The following CDH17 variants were observed in gnomAD, a reference collection of about 807,000 sequenced individuals.
CDH17 encodes the protein cadherin 17, also known as cadherin-17.
In CDH17, 67 loss-of-function variants were observed where a neutral mutation model predicts 86.3. That is an observed-to-expected ratio of 0.78 (90% CI 0.64 to 0.95). CDH17 has a LOEUF of 0.95. CDH17 is among the 40% of genes least tolerant of loss of function. The probability of loss-of-function intolerance (pLI) is 0.00; values close to 1 mark genes in which losing one functional copy is unlikely to be tolerated. For missense variants in CDH17, 993 were observed against 1,017.6 expected, an observed-to-expected ratio of 0.98 and a Z score of 0.33; for synonymous variants, 367 against 366.4, an observed-to-expected ratio of 1.00 and a Z score of -0.02.
chr8:94,204,336 T>C (rs768827214), intron 1 of CDH17, among the ~76,000 whole-genome samples: 4 of 152,096 alleles, frequency 2.6e-5, no homozygotes, highest in Non-Finnish European at 5.9e-5. Flanking sequence ...CGATGTGTGA[T>C]GTTCCCCTGT....
intron 3 of CDH17, among the ~76,000 whole-genome samples, chr8:94,179,400 A>G (rs1173724324): frequency 2.6e-5 from 4 of 152,276 alleles, no homozygotes; most frequent in African/African-American, 9.6e-5. Context: ...GCAAAGAAGC[A>G]GCTGACCAAA....
chr8:94,134,122 T>G (rs1471351367), intron 15 of CDH17, among the ~76,000 whole-genome samples: 1 of 152,210 alleles, frequency 6.6e-6, no homozygotes, highest in East Asian at 1.9e-4. Flanking sequence ...TTCTCTGTTT[T>G]TGTTGTGTCT....
chr8:94,174,328 C>T, intron 5 of CDH17, 68 bp from the exon 6 acceptor site: 3 of 1,461,754 alleles, frequency 2.1e-6, no homozygotes, highest in Non-Finnish European at 2.8e-6. Flanking sequence ...CCAACCATAG[C>T]TACTTTTTCC....
intron 14 of CDH17, among the ~76,000 whole-genome samples, chr8:94,147,574 T>C (rs1237656119): frequency 6.6e-6 from 1 of 152,180 alleles, no homozygotes; most frequent in Non-Finnish European, 1.5e-5. Flanking sequence ...GCCAGATACA[T>C]TTACTAGCTA....
At chr8:94,216,247 C>T (rs1389721432) in intron 1 of CDH17, among the ~76,000 whole-genome samples, 6 of 152,170 alleles carry the variant, frequency 3.9e-5, no homozygotes, top group Admixed American at 3.9e-4. Flanking sequence ...CTAGAATTTT[C>T]CAATAGCTAC....
chr8:94,145,898 GT>G (rs767808168), intron 15 of CDH17, 29 bp downstream of exon 15: 5 of 1,599,296 alleles, frequency 3.1e-6, no homozygotes, highest in Admixed American at 1.7e-5. Context: ...ATCCATCTAT[GT>G]TTTTTTCCAT....
intron 15 of CDH17, among the ~76,000 whole-genome samples, chr8:94,133,119 CT>C (rs1325322561): frequency 1.3e-5 from 2 of 152,118 alleles, no homozygotes; most frequent in African/African-American, 4.8e-5. Flanking sequence ...CAGCATTGTT[CT>C]TTTTGCTTAG....
chr8:94,153,975 T>C (rs1812903236), intron 12 of CDH17, among the ~76,000 whole-genome samples: 1 of 152,228 alleles, frequency 6.6e-6, no homozygotes, highest in African/African-American at 2.4e-5. Context: ...TACAACGTGG[T>C]ACTATAGTTA....
intron 14 of CDH17, among the ~76,000 whole-genome samples, chr8:94,148,158 G>A (rs71532304): frequency 3.5e-4 from 53 of 152,300 alleles, no homozygotes; most frequent in Middle Eastern, 6.8e-3. Flanking sequence ...CAGGGACACA[G>A]AACTCTCTAG....
chr8:94,151,814 C>T, intron 13 of CDH17, 54 bp downstream of exon 13: 1 of 1,608,420 alleles, frequency 6.2e-7, no homozygotes, highest in Non-Finnish European at 8.5e-7. Flanking sequence ...CTCCTCCTCC[C>T]CATTGGCTTT....
At chr8:94,213,899 T>C (rs910523529) in intron 1 of CDH17, among the ~76,000 whole-genome samples, 1 of 152,200 alleles carries the variant, frequency 6.6e-6, no homozygotes, top group Non-Finnish European at 1.5e-5. Context: ...GCAGTCCTAC[T>C]TGTGACTCAT....
chr8:94,151,931 T>G lies in CDH17; in HGVS notation c.1733A>C (p.Asp578Ala), dbSNP rs968857433. ...QHVFQAKVSE[D>A]VAIGTKVGNV... Reference sequence around the variant, plus strand: ...GCCCACTTTAGTGCCTATAGCTACATCCTCACTGACTTTCGCTTGGAATAC... The same window carrying G: ...GCCCACTTTAGTGCCTATAGCTACAGCCTCACTGACTTTCGCTTGGAATAC... The change falls in exon 13 of 18, where the codon GAT becomes GCT. Residue 578 changes from aspartate (D) to alanine (A), a missense_variant. Transcript: ENST00000027335. 45 of 1,614,062 alleles carry G rather than the reference T, an allele frequency of 2.8e-5. No homozygotes were observed. Among genetic ancestry groups the G allele is most frequent in the Non-Finnish European group, 3.6e-5 (43 of 1,180,028 alleles).
chr8:94,204,963 G>A lies in CDH17; in HGVS notation c.-21+3520C>T, dbSNP rs558617939. Among the ~76,000 whole-genome samples, 3 of 152,140 alleles carry A rather than the reference G, an allele frequency of 2.0e-5. No homozygotes were observed. The South Asian group carries it at 6.2e-4, about 32-fold the overall frequency. The stretch of plus-strand genomic sequence containing the variant: ...GATGTTGTAACCCATTTATACCTGA[G>A]GTTGCAATTTTTTGAATTTTTGCAA... On this transcript the variant is annotated intron_variant, in intron 1 of 17. Transcript: ENST00000027335.
At chr8:94,213,900 T>A (rs1295691877) in intron 1 of CDH17, among the ~76,000 whole-genome samples, 1 of 152,204 alleles carries the variant, frequency 6.6e-6, no homozygotes, top group Non-Finnish European at 1.5e-5. Flanking sequence ...CAGTCCTACT[T>A]GTGACTCATC....
intron 13 of CDH17, among the ~76,000 whole-genome samples, chr8:94,149,495 C>T (rs561620707): frequency 3.9e-5 from 6 of 152,130 alleles, no homozygotes; most frequent in African/African-American, 1.4e-4. Flanking sequence ...AGAGGGGGCC[C>T]TATGGAATCC....
chr8:94,215,227 G>A (rs923942840), intron 1 of CDH17, among the ~76,000 whole-genome samples: 4 of 152,140 alleles, frequency 2.6e-5, no homozygotes, highest in Non-Finnish European at 5.9e-5. Context: ...CCAAGAGATA[G>A]AAACAACCCA....
At position 94,195,921 on chromosome 8, in the gene CDH17, T is replaced by C. The variant is rs543252173; in HGVS notation, c.-20-1216A>G. ...GACTACAGGCGCCTGCCACCACGCC[T>C]GGCTAATTTTTTGTATTTTTAGTAG... On this transcript the variant is annotated intron_variant, in intron 1 of 17. Transcript: ENST00000027335. 2.1e-3 allele frequency among the ~76,000 whole-genome samples: 319 copies of C among 152,238 alleles called. 3 individuals are homozygous for C. Among genetic ancestry groups the C allele is most frequent in the African/African-American group, 6.8e-3 (281 of 41,536 alleles).
intron 1 of CDH17, among the ~76,000 whole-genome samples, chr8:94,203,688 A>G (rs938650365): frequency 5.9e-5 from 9 of 152,232 alleles, no homozygotes; most frequent in African/African-American, 2.2e-4. Context: ...TTAAGGACCC[A>G]ATTAAAGTGG....
Position 94,160,143 on chromosome 8 carries a change from G to A in CDH17, c.1379C>T (p.Ala460Val). Reference sequence around the variant, plus strand: ...GGTGGACCCAATGTTTGTGTCTTCAGCAAGAGTCAGGTTTCCATACTAAGG... The same window carrying A: ...GGTGGACCCAATGTTTGTGTCTTCAACAAGAGTCAGGTTTCCATACTAAGG... ...EKSDYGNLTL[A>V]EDTNIGSTIL... The change falls in exon 12 of 18, where the codon GCT (alanine) becomes GTT (valine). Residue 460 changes from alanine to valine, a missense_variant. Transcript: ENST00000027335. 3.1e-6 allele frequency: 5 copies of A among 1,612,352 alleles called. No individual in the cohort carries two copies. The highest frequency in any genetic ancestry group is 4.2e-6 in the Non-Finnish European group (5 of 1,179,306).
Sources: allele counts gnomAD v4.1 joint callset (sites outside exome capture counted in the v4.1 genomes callset), GRCh38; gene constraint gnomAD v4.1.1; transcripts MANE v1.5; gene names NCBI Gene and HGNC (gene_info 2026-07-23, HGNC 2026-07-21).